The following GLIS3 variants were observed in gnomAD, a reference collection of about 807,000 sequenced individuals.
GLIS3 encodes GLIS family zinc finger 3.
Under a neutral mutation model 78.6 loss-of-function variants are expected in GLIS3, and 53 were observed. That is an observed-to-expected ratio of 0.67 (90% confidence interval 0.54 to 0.85). The LOEUF is 0.85. Ranked by LOEUF, GLIS3 falls within the 40% of genes least tolerant of loss-of-function variation. The pLI is 0.00. For synonymous variants in GLIS3, 684 were observed against 509.9 expected (o/e 1.34, Z -4.60); for missense variants, 1,703 against 1,231.1 (o/e 1.38, Z -5.74).
chr9:4,221,592 GT>G (rs1242952829), intron 2 of GLIS3, among the ~76,000 whole-genome samples: 1 of 151,486 alleles, frequency 6.6e-6, no homozygotes, highest in Non-Finnish European at 1.5e-5. Flanking sequence ...TTTTTTTCAA[GT>G]CCCCCCTTTA....
intron 2 of GLIS3, among the ~76,000 whole-genome samples, chr9:4,170,969 A>G (rs1255757751): frequency 6.6e-6 from 1 of 152,232 alleles, no homozygotes; most frequent in African/African-American, 2.4e-5. Context: ...TCATATACTT[A>G]GAACTGTGTC....
At chr9:4,203,844 A>G (rs563356682) in intron 2 of GLIS3, among the ~76,000 whole-genome samples, 4 of 152,360 alleles carry the variant, frequency 2.6e-5, no homozygotes, top group Admixed American at 1.3e-4. Flanking sequence ...TCCTAAGTGA[A>G]TTAACACAAG....
chr9:4,188,009 C>T (rs977312780), intron 2 of GLIS3, among the ~76,000 whole-genome samples: 3 of 152,010 alleles, frequency 2.0e-5, no homozygotes, highest in African/African-American at 7.3e-5. Flanking sequence ...TCCTAAATGC[C>T]CTGGCCAGAA....
chr9:3,875,473 A>G lies in GLIS3; in HGVS notation c.2297+3954T>C, dbSNP rs575072966. ...TGAAAGCTAAGTAAATGATGAATCA[A>G]TGCCCGCAAGCAGGAAAAGATGCCA... On this transcript the variant is annotated intron_variant, in intron 8 of 10. Transcript: ENST00000381971. The G allele has an allele frequency of 7.2e-5, 11 of 152,276 alleles. No homozygotes were observed. In the South Asian group the frequency reaches 2.3e-3, roughly 32 times the overall value. The allele number at this position is 152,276 out of a possible 1,614,324, so 9.4% of individuals were successfully genotyped here.
chr9:4,099,400 C>T (rs910077900), intron 4 of GLIS3, among the ~76,000 whole-genome samples: 1 of 152,140 alleles, frequency 6.6e-6, no homozygotes, highest in Non-Finnish European at 1.5e-5. Context: ...CTTGCCTTCA[C>T]CTTCACTTGG....
At chr9:4,396,675 GAGGTA>G in the GLIS3 span, among the ~76,000 whole-genome samples, 1 of 152,178 alleles carries the variant, frequency 6.6e-6, no homozygotes, top group Non-Finnish European at 1.5e-5. Flanking sequence ...AATTTGATGA[GAGGTA>G]AGTAGCCCCT....
intron 2 of GLIS3, among the ~76,000 whole-genome samples, chr9:4,204,858 G>A (rs1258370511): frequency 3.3e-5 from 5 of 151,188 alleles, no homozygotes; most frequent in Non-Finnish European, 5.9e-5. Context: ...AGGTTGCAGC[G>A]TGCCAAGATC....
intron 2 of GLIS3, among the ~76,000 whole-genome samples, chr9:4,317,965 T>C (rs774550034): frequency 1.3e-5 from 2 of 152,174 alleles, no homozygotes; most frequent in Non-Finnish European, 2.9e-5. Context: ...AAAAAGCACA[T>C]CTACATGGTA....
the GLIS3 span, among the ~76,000 whole-genome samples, chr9:4,429,263 C>T: frequency 1.3e-5 from 2 of 152,086 alleles, no homozygotes; most frequent in African/African-American, 4.8e-5. Flanking sequence ...TGATAAAGTT[C>T]CTGAACATCA....
In GLIS3 at chr9:4,221,969, G is replaced by A. The variant is rs58472870; in HGVS notation, c.388+64069C>T. 5.7e-3 allele frequency among the ~76,000 whole-genome samples: 867 copies of A among 152,304 alleles called. 9 individuals are homozygous for A. The highest frequency in any genetic ancestry group is 0.02 in the African/African-American group (818 of 41,568). On this transcript the variant is annotated intron_variant, in intron 2 of 10. Coordinates refer to ENST00000381971, the MANE Select transcript of GLIS3 (RefSeq NM_001042413.2). ...TGTACAGCTCTGCAAAGCATGCTGG[G>A]ACCCGATCAGCTGCCTGTGCACAGA...
At chr9:4,326,152 C>T (rs1337542889) in intron 2 of GLIS3, among the ~76,000 whole-genome samples, 1 of 152,160 alleles carries the variant, frequency 6.6e-6, no homozygotes, top group Non-Finnish European at 1.5e-5. Flanking sequence ...CACCGTGGCA[C>T]ACATTTACCT....
At chr9:4,379,950 G>A in the GLIS3 span, among the ~76,000 whole-genome samples, 1 of 140,908 alleles carries the variant, frequency 7.1e-6, no homozygotes, top group Non-Finnish European at 1.5e-5. Context: ...TGTCTTAGAG[G>A]CAGACAGAGT....
chr9:4,391,993 A>C, the GLIS3 span, among the ~76,000 whole-genome samples: 2 of 152,222 alleles, frequency 1.3e-5, no homozygotes, highest in African/African-American at 4.8e-5. Flanking sequence ...AAGACATGGA[A>C]TCAATGCAAA....
intron 4 of GLIS3, among the ~76,000 whole-genome samples, chr9:3,965,384 G>C (rs1177508429): frequency 6.6e-6 from 1 of 151,520 alleles, no homozygotes; most frequent in African/African-American, 2.4e-5. Context: ...AGTAGAGAGG[G>C]GGTTTCACTA....
At chr9:4,037,109 A>G (rs1270176427) in intron 4 of GLIS3, among the ~76,000 whole-genome samples, 1 of 152,218 alleles carries the variant, frequency 6.6e-6, no homozygotes, top group Non-Finnish European at 1.5e-5. Context: ...GAAAATGGGA[A>G]TAGCTTTACC....
intron 2 of GLIS3, among the ~76,000 whole-genome samples, chr9:4,153,178 C>G (rs1263418333): frequency 6.6e-6 from 1 of 152,220 alleles, no homozygotes; most frequent in Non-Finnish European, 1.5e-5. Flanking sequence ...TGAATTAATG[C>G]AAAGTCCTAA....
chr9:4,363,998 T>C, the GLIS3 span, among the ~76,000 whole-genome samples: 1 of 152,230 alleles, frequency 6.6e-6, no homozygotes, highest in Non-Finnish European at 1.5e-5. Context: ...TAAATTTCCC[T>C]TTGGTAGCCT....
intron 7 of GLIS3, among the ~76,000 whole-genome samples, chr9:3,890,649 A>C (rs982735397): frequency 1.3e-5 from 2 of 152,156 alleles, no homozygotes; most frequent in Non-Finnish European, 2.9e-5. Flanking sequence ...AACCTCCCCA[A>C]ACTGAACATC....
At chr9:4,317,321 C>T (rs116838352) in intron 2 of GLIS3, among the ~76,000 whole-genome samples, 1 of 152,126 alleles carries the variant, frequency 6.6e-6, no homozygotes, top group Non-Finnish European at 1.5e-5. Context: ...TGAAATCTTC[C>T]AGAGAGTTTT....
Sources: allele counts gnomAD v4.1 joint callset (sites outside exome capture counted in the v4.1 genomes callset), GRCh38; gene constraint gnomAD v4.1.1; transcripts MANE v1.5; gene names NCBI Gene and HGNC (gene_info 2026-07-23, HGNC 2026-07-21).